Variants in MNAT1 observed in about 807,000 individuals in gnomAD.
MNAT1 encodes CDK-activating kinase assembly factor MAT1.
MNAT1 carries 43 observed loss-of-function variants against 42.0 expected under a neutral mutation model. The ratio of observed to expected loss-of-function variants is 1.02; its 90% CI spans 0.80 to 1.32. MNAT1 has a LOEUF of 1.32. Ranked by LOEUF, MNAT1 falls within the 40% of genes most tolerant of loss-of-function variation. The pLI, the probability that MNAT1 is intolerant of heterozygous loss-of-function variation, is 0.00. For synonymous variants in MNAT1, 118 were observed against 120.0 expected (o/e 0.98, Z 0.11); for missense variants, 306 against 350.4 (o/e 0.87, Z 1.01).
chr14:60,763,823 T>TC (rs2030705789), intron 1 of MNAT1, among the ~76,000 whole-genome samples: 1 of 152,192 alleles, frequency 6.6e-6, no homozygotes, highest in African/African-American at 2.4e-5. Context: ...TAACATACCT[T>TC]TTAGATCCAC....
chr14:60,874,549 A>G (rs577769108), intron 6 of MNAT1, among the ~76,000 whole-genome samples: 39 of 151,614 alleles, frequency 2.6e-4, no homozygotes, highest in African/African-American at 7.5e-4. Context: ...TTGATATTCT[A>G]TCTTTTTTTC....
At chr14:60,774,561 G>A (rs999477404) in intron 1 of MNAT1, among the ~76,000 whole-genome samples, 2 of 152,188 alleles carry the variant, frequency 1.3e-5, no homozygotes, top group African/African-American at 4.8e-5. Flanking sequence ...ACTACATTTG[G>A]AGGAAGAAGG....
intron 5 of MNAT1, among the ~76,000 whole-genome samples, chr14:60,814,912 T>A (rs1338457676): frequency 1.3e-5 from 2 of 152,166 alleles, no homozygotes; most frequent in Non-Finnish European, 2.9e-5. Context: ...TTTTTGTAGC[T>A]GTTTGGTGAG....
chr14:60,928,931 G>A (rs1427026578), intron 7 of MNAT1, among the ~76,000 whole-genome samples: 2 of 150,806 alleles, frequency 1.3e-5, no homozygotes, highest in Admixed American at 6.6e-5. Flanking sequence ...TACAGATTAC[G>A]AGGTCAGGAG....
At chr14:60,968,206 C>T in intron 7 of MNAT1, 23 bp from the exon 8 acceptor site, 1 of 1,560,652 alleles carries the variant, frequency 6.4e-7, no homozygotes, top group South Asian at 1.1e-5. Context: ...TATATCAATG[C>T]TACACTTCTT....
rs537070469 is a variant in MNAT1, at chr14:60,836,587, T to G, written c.687+17740T>G. 4.6e-5 allele frequency among the ~76,000 whole-genome samples: 7 copies of G among 152,332 alleles called. No homozygotes were observed. In the South Asian group the frequency reaches 1.0e-3, roughly 23 times the overall value. On this transcript the variant is annotated intron_variant, in intron 6 of 7. Coordinates refer to ENST00000261245, the MANE Select transcript of MNAT1 (RefSeq NM_002431.4). ...GCGGAGGCTGCAGAACAGCAAAGATTGCCGGCTCTTCCTTCCTTTGGAAGC... is the reference window on the plus strand; with the variant it reads ...GCGGAGGCTGCAGAACAGCAAAGATGGCCGGCTCTTCCTTCCTTTGGAAGC...
intron 6 of MNAT1, among the ~76,000 whole-genome samples, chr14:60,843,217 A>G: frequency 6.6e-6 from 1 of 152,190 alleles, no homozygotes. Context: ...TGTAATTTAG[A>G]TTTTTATTTC....
At chr14:60,942,202 T>C (rs1167379475) in intron 7 of MNAT1, among the ~76,000 whole-genome samples, 1 of 152,066 alleles carries the variant, frequency 6.6e-6, no homozygotes, top group Non-Finnish European at 1.5e-5. Flanking sequence ...AAGTTGTCTG[T>C]CTTAAAGAGT....
At chr14:60,810,937 A>C (rs867294109) in intron 4 of MNAT1, among the ~76,000 whole-genome samples, 5 of 152,166 alleles carry the variant, frequency 3.3e-5, no homozygotes, top group Admixed American at 1.3e-4. Flanking sequence ...TGAAAGTTCC[A>C]TCCATTACTG....
chr14:60,943,102 T>G (rs998242364), intron 7 of MNAT1, among the ~76,000 whole-genome samples: 2 of 131,664 alleles, frequency 1.5e-5, no homozygotes, highest in Non-Finnish European at 3.1e-5. Context: ...TCACCCAGGC[T>G]GTAGTGCAGT....
intron 1 of MNAT1, among the ~76,000 whole-genome samples, chr14:60,756,592 G>A (rs1280133029): frequency 2.0e-5 from 3 of 152,120 alleles, no homozygotes; most frequent in Non-Finnish European, 2.9e-5. Context: ...TAAGTGGTAG[G>A]AACTTCTGCC....
intron 1 of MNAT1, among the ~76,000 whole-genome samples, chr14:60,759,184 A>C (rs1168393698): frequency 2.0e-5 from 3 of 152,208 alleles, no homozygotes; most frequent in Non-Finnish European, 4.4e-5. Context: ...TCTGTTATTA[A>C]AGAAATATAA....
intron 7 of MNAT1, among the ~76,000 whole-genome samples, chr14:60,924,411 C>T (rs2035724612): frequency 6.8e-6 from 1 of 147,528 alleles, no homozygotes. Context: ...AACTGTACTC[C>T]ATGCCTTGAA....
chr14:60,826,969 C>T (rs1336951044), intron 6 of MNAT1, among the ~76,000 whole-genome samples: 1 of 151,892 alleles, frequency 6.6e-6, no homozygotes, highest in Non-Finnish European at 1.5e-5. Context: ...AGCGAAGGCA[C>T]ATTGGTCATC....
intron 1 of MNAT1, among the ~76,000 whole-genome samples, chr14:60,741,658 GTTTTTT>G (rs3049888): frequency 3.3e-5 from 3 of 92,022 alleles, no homozygotes; most frequent in Non-Finnish European, 4.0e-5. Context: ...TGCGCCTGGG[GTTTTTT>G]TTTTTTTTTT....
At chr14:60,896,395 CAAA>C (rs2034957432) in intron 7 of MNAT1, among the ~76,000 whole-genome samples, 1 of 152,114 alleles carries the variant, frequency 6.6e-6, no homozygotes, top group African/African-American at 2.4e-5. Context: ...ACCTTCCACT[CAAA>C]GAAGAGTTAT....
At chr14:60,847,245 A>G (rs531231348) in intron 6 of MNAT1, among the ~76,000 whole-genome samples, 1 of 152,096 alleles carries the variant, frequency 6.6e-6, no homozygotes, top group South Asian at 2.1e-4. Flanking sequence ...TCTACTAAAA[A>G]TACAAAAAAT....
chr14:60,880,561 A>T (rs1194340133), intron 7 of MNAT1, among the ~76,000 whole-genome samples: 2 of 152,146 alleles, frequency 1.3e-5, no homozygotes, highest in African/African-American at 4.8e-5. Context: ...TATACTGTGA[A>T]AAAAAAGTGG....
At chr14:60,766,455 T>C (rs1342096892) in intron 1 of MNAT1, among the ~76,000 whole-genome samples, 1 of 152,168 alleles carries the variant, frequency 6.6e-6, no homozygotes, top group Non-Finnish European at 1.5e-5. Context: ...GGCTCAGGCC[T>C]GTAATCCCAG....
Sources: gnomAD v4.1 joint callset for allele counts (sites outside exome capture counted in the v4.1 genomes callset) on GRCh38, gnomAD v4.1.1 for gene constraint, MANE v1.5 for transcripts, NCBI Gene and HGNC (gene_info 2026-07-23, HGNC 2026-07-21) for gene names.